The following CTNNA3 variants were observed in gnomAD, a reference collection of about 807,000 sequenced individuals.
The protein encoded by CTNNA3 is catenin alpha 3, also known as catenin alpha-3.
In CTNNA3, 76 loss-of-function variants were observed where a neutral mutation model predicts 95.7. The ratio of observed to expected loss-of-function variants is 0.79; its 90% confidence interval spans 0.66 to 0.96. The LOEUF (loss-of-function observed/expected upper bound fraction) is 0.96. Among genes scored for constraint, CTNNA3 ranks in the 40% least tolerant of loss-of-function variants. CTNNA3 has a pLI of 0.00. For synonymous variants in CTNNA3, 431 were observed against 374.4 expected, an observed-to-expected ratio of 1.15 and a Z score of -1.74; for missense variants, 1,191 against 1,089.8, an observed-to-expected ratio of 1.09 and a Z score of -1.31.
chr10:66,474,454 T>C (rs1839250655), intron 11 of CTNNA3, among the ~76,000 whole-genome samples: 1 of 152,078 alleles, frequency 6.6e-6, no homozygotes, highest in African/African-American at 2.4e-5. Flanking sequence ...CATCCACTGA[T>C]GGACAGTTAG....
intron 7 of CTNNA3, among the ~76,000 whole-genome samples, chr10:66,883,722 T>C (rs1401761382): frequency 2.0e-5 from 3 of 152,134 alleles, no homozygotes; most frequent in African/African-American, 7.2e-5. Flanking sequence ...TTTTATACTA[T>C]GTTGCCCAAA....
chr10:66,437,361 A>C (rs1475577417), intron 11 of CTNNA3, among the ~76,000 whole-genome samples: 1 of 151,886 alleles, frequency 6.6e-6, no homozygotes. Context: ...ATAGTCTCAT[A>C]TTTCTTGGAG....
intron 5 of CTNNA3, among the ~76,000 whole-genome samples, chr10:67,432,100 G>A (rs1205808583): frequency 6.6e-6 from 1 of 151,938 alleles, no homozygotes; most frequent in African/African-American, 2.4e-5. Context: ...CTAATGCAGT[G>A]TATAAAGGAA....
chr10:66,054,117 C>G (rs535347237), intron 15 of CTNNA3, among the ~76,000 whole-genome samples: 24 of 152,200 alleles, frequency 1.6e-4, no homozygotes, highest in Non-Finnish European at 3.4e-4. Flanking sequence ...ATTTCTTTAT[C>G]CATTTATCCT....
intron 5 of CTNNA3, among the ~76,000 whole-genome samples, chr10:67,284,116 A>T (rs1223027694): frequency 1.3e-5 from 2 of 152,190 alleles, no homozygotes; most frequent in African/African-American, 2.4e-5. Context: ...AGAGAGGGAG[A>T]TGGAAATAGG....
At chr10:66,933,953 G>A (rs1847549980) in intron 7 of CTNNA3, among the ~76,000 whole-genome samples, 1 of 152,058 alleles carries the variant, frequency 6.6e-6, no homozygotes, top group Non-Finnish European at 1.5e-5. Flanking sequence ...AGAGGATGAT[G>A]GTTTTTCAGG....
chr10:66,889,205 G>A (rs1845161951), intron 7 of CTNNA3, among the ~76,000 whole-genome samples: 1 of 152,228 alleles, frequency 6.6e-6, no homozygotes, highest in African/African-American at 2.4e-5. Context: ...ACATCCAGCA[G>A]ATGCCAGAGC....
At chr10:66,431,604 G>T (rs2093296364) in intron 11 of CTNNA3, among the ~76,000 whole-genome samples, 1 of 152,026 alleles carries the variant, frequency 6.6e-6, no homozygotes, top group Non-Finnish European at 1.5e-5. Context: ...TAGGGACGTG[G>T]ATGAAGCTGG....
At chr10:67,704,708 T>C (rs1345756215) in intron 1 of CTNNA3, among the ~76,000 whole-genome samples, 2 of 152,028 alleles carry the variant, frequency 1.3e-5, no homozygotes, top group Non-Finnish European at 2.9e-5. Flanking sequence ...ATTCAGGACA[T>C]AGGCATGGGC....
At chr10:66,977,907 C>A (rs1164211363) in intron 7 of CTNNA3, among the ~76,000 whole-genome samples, 4 of 151,996 alleles carry the variant, frequency 2.6e-5, no homozygotes, top group African/African-American at 9.7e-5. Flanking sequence ...ATGTAAGTAT[C>A]CTTGTTTAAT....
At chr10:67,445,389 T>C (rs1846707992) in intron 5 of CTNNA3, among the ~76,000 whole-genome samples, 1 of 149,090 alleles carries the variant, frequency 6.7e-6, no homozygotes, top group African/African-American at 2.5e-5. Flanking sequence ...AGGAGCTAAA[T>C]GCATTAAAAA....
chr10:67,066,689 A>G (rs1000729777), intron 7 of CTNNA3, among the ~76,000 whole-genome samples: 9 of 152,300 alleles, frequency 5.9e-5, no homozygotes, highest in Non-Finnish European at 7.4e-5. Context: ...ATTGTTAAAC[A>G]AATATTATCC....
At chr10:65,997,057 T>G (rs76221566) in intron 15 of CTNNA3, among the ~76,000 whole-genome samples, 3,950 of 152,250 alleles carry the variant, frequency 0.026, 158 homozygotes, top group African/African-American at 0.09. Context: ...TCTCCACAGT[T>G]GATTCAAACA....
intron 12 of CTNNA3, among the ~76,000 whole-genome samples, chr10:66,297,115 A>C (rs1226840427): frequency 6.6e-6 from 1 of 152,186 alleles, no homozygotes. Context: ...AGATTCTATG[A>C]GTTTATGTGT....
chr10:67,105,559 GC>G lies in CTNNA3; in HGVS notation c.1047+74757del, dbSNP rs1299718891. On this transcript the variant is annotated intron_variant, in intron 7 of 17. Coordinates refer to ENST00000433211, the MANE Select transcript of CTNNA3 (RefSeq NM_013266.4). ...GCTGTTTTACATCAATGATATATTT[GC>G]TTTCAATTACAGATCCATAAATATA... 3.3e-5 allele frequency among the ~76,000 whole-genome samples: 5 copies of G among 152,114 alleles called. No individual in the cohort carries two copies. The South Asian group carries it at 6.2e-4, about 19-fold the overall frequency.
intron 12 of CTNNA3, among the ~76,000 whole-genome samples, chr10:66,332,386 C>T (rs1460371506): frequency 1.6e-5 from 1 of 63,242 alleles, no homozygotes; most frequent in Non-Finnish European, 3.3e-5. Flanking sequence ...GTGGGTTTGT[C>T]ATAGATACCT....
At chr10:67,281,002 A>G (rs1179027030) in intron 5 of CTNNA3, among the ~76,000 whole-genome samples, 2 of 152,184 alleles carry the variant, frequency 1.3e-5, no homozygotes, top group Admixed American at 1.3e-4. Flanking sequence ...TCAGAGGGAA[A>G]GTAGGCTTCC....
At chr10:67,048,021 A>G (rs993566928) in intron 7 of CTNNA3, among the ~76,000 whole-genome samples, 5 of 152,168 alleles carry the variant, frequency 3.3e-5, no homozygotes, top group African/African-American at 1.2e-4. Flanking sequence ...TGTTCTTTCT[A>G]AGAATGAAAA....
At chr10:67,073,003 T>C (rs2131853500) in intron 7 of CTNNA3, among the ~76,000 whole-genome samples, 1 of 152,268 alleles carries the variant, frequency 6.6e-6, no homozygotes, top group South Asian at 2.1e-4. Flanking sequence ...ACTAAAAGTT[T>C]TGCTAACTTT....
Sources: gnomAD v4.1 joint callset for allele counts (sites outside exome capture counted in the v4.1 genomes callset) on GRCh38, gnomAD v4.1.1 for gene constraint, MANE v1.5 for transcripts, NCBI Gene and HGNC (gene_info 2026-07-23, HGNC 2026-07-21) for gene names.